Variants in RPSA2 observed in about 807,000 individuals in gnomAD.
RPSA2 encodes the protein ribosomal protein SA 2.
the RPSA2 span, among the ~76,000 whole-genome samples, chr19:23,849,495 C>T: frequency 1.9e-4 from 29 of 152,288 alleles, no homozygotes; most frequent in South Asian, 1.0e-3. Context: ...GAAAAGTTTC[C>T]GCTTTCCATA....
At chr19:23,781,122 A>G in the RPSA2 span, among the ~76,000 whole-genome samples, 9 of 151,988 alleles carry the variant, frequency 5.9e-5, no homozygotes, top group Non-Finnish European at 1.2e-4. Context: ...CTACCGGTGC[A>G]TGCCACAATG....
the RPSA2 span, among the ~76,000 whole-genome samples, chr19:23,841,356 C>T: frequency 2.0e-5 from 3 of 151,860 alleles, no homozygotes; most frequent in South Asian, 2.1e-4. Context: ...CCCAGCTACT[C>T]GGGAGGCTAA....
the RPSA2 span, among the ~76,000 whole-genome samples, chr19:23,863,797 A>T: frequency 6.6e-6 from 1 of 152,194 alleles, no homozygotes. Flanking sequence ...TAAGAATTTG[A>T]CTAGTGTTAA....
At chr19:23,871,012 C>T in the RPSA2 span, among the ~76,000 whole-genome samples, 1 of 152,128 alleles carries the variant, frequency 6.6e-6, no homozygotes, top group Admixed American at 6.5e-5. Flanking sequence ...TTAAAGAATG[C>T]TGTCATGCAG....
At chr19:23,793,033 T>A in the RPSA2 span, among the ~76,000 whole-genome samples, 1 of 152,160 alleles carries the variant, frequency 6.6e-6, no homozygotes, top group South Asian at 2.1e-4. Context: ...TCAAAGTTCA[T>A]ATCCTGTGGG....
At chr19:23,854,579 A>G in the RPSA2 span, among the ~76,000 whole-genome samples, 2 of 152,324 alleles carry the variant, frequency 1.3e-5, no homozygotes, top group African/African-American at 4.8e-5. Flanking sequence ...ATTTCCATCT[A>G]TATCAGACTT....
At chr19:23,867,291 G>A in the RPSA2 span, among the ~76,000 whole-genome samples, 1 of 152,186 alleles carries the variant, frequency 6.6e-6, no homozygotes, top group Non-Finnish European at 1.5e-5. Context: ...TCAACGGAGT[G>A]CTGAGATTTT....
chr19:23,771,092 A>C, the RPSA2 span, among the ~76,000 whole-genome samples: 1 of 152,180 alleles, frequency 6.6e-6, no homozygotes, highest in African/African-American at 2.4e-5. Context: ...TACTGTGTAA[A>C]GTTGTCAAGA....
chr19:23,773,267 GATATAT>G, the RPSA2 span, among the ~76,000 whole-genome samples: 57 of 148,198 alleles, frequency 3.8e-4, no homozygotes, highest in African/African-American at 1.0e-3. Context: ...TGGCTAATTT[GATATAT>G]ATATATATAT....
the RPSA2 span, among the ~76,000 whole-genome samples, chr19:23,810,527 T>C: frequency 1.3e-5 from 2 of 152,068 alleles, no homozygotes; most frequent in African/African-American, 4.8e-5. Context: ...GGCAGGTTTC[T>C]GCAGTCGGGT....
the RPSA2 span, among the ~76,000 whole-genome samples, chr19:23,778,995 CTTTTT>C: frequency 7.4e-5 from 6 of 80,696 alleles, no homozygotes; most frequent in South Asian, 5.2e-4. Flanking sequence ...TTTTGTGACA[CTTTTT>C]TTTTTTTTTT....
chr19:23,824,514 CT>C, the RPSA2 span, among the ~76,000 whole-genome samples: 1 of 143,894 alleles, frequency 6.9e-6, no homozygotes. Context: ...ACATCCTCTA[CT>C]TCAGTTTTAT....
the RPSA2 span, among the ~76,000 whole-genome samples, chr19:23,861,653 G>A: frequency 3.9e-5 from 6 of 152,202 alleles, no homozygotes; most frequent in Middle Eastern, 3.4e-3. Context: ...CCGTCAGTCA[G>A]TTCACGTACT....
the RPSA2 span, among the ~76,000 whole-genome samples, chr19:23,846,574 G>A: frequency 2.0e-4 from 31 of 152,210 alleles, no homozygotes; most frequent in South Asian, 6.2e-4. Context: ...AGTTTCCCCA[G>A]CCTTTATTTG....
At chr19:23,816,698 A>G in the RPSA2 span, among the ~76,000 whole-genome samples, 27 of 152,228 alleles carry the variant, frequency 1.8e-4, no homozygotes, top group African/African-American at 6.3e-4. Context: ...ATTACAGAAG[A>G]AAGAAGTTTA....
the RPSA2 span, among the ~76,000 whole-genome samples, chr19:23,843,570 G>T: frequency 1.3e-5 from 2 of 152,048 alleles, no homozygotes; most frequent in Non-Finnish European, 2.9e-5. Context: ...ATTGCTTTGG[G>T]GCAATATGAG....
the RPSA2 span, among the ~76,000 whole-genome samples, chr19:23,792,052 C>T: frequency 6.6e-6 from 1 of 152,148 alleles, no homozygotes; most frequent in Non-Finnish European, 1.5e-5. Flanking sequence ...ATTTTTCATA[C>T]AAATAATAAA....
At chr19:23,763,522 G>A in the RPSA2 span, among the ~76,000 whole-genome samples, 2 of 152,190 alleles carry the variant, frequency 1.3e-5, no homozygotes, top group African/African-American at 2.4e-5. Flanking sequence ...TGTCGCCCAG[G>A]CTGAAGTGCA....
At chr19:23,758,693 A>G in the RPSA2 span, 1 of 1,613,856 alleles carries the variant, frequency 6.2e-7, no homozygotes, top group Non-Finnish European at 8.5e-7. Context: ...GCGAGGTCTG[A>G]GTCCCGCCAC....
Sources: gnomAD v4.1 joint callset for allele counts (sites outside exome capture counted in the v4.1 genomes callset) on GRCh38, gnomAD v4.1.1 for gene constraint, MANE v1.5 for transcripts, NCBI Gene and HGNC (gene_info 2026-07-23, HGNC 2026-07-21) for gene names.